The following TMEM68 variants were observed in gnomAD, a reference collection of about 807,000 sequenced individuals.
TMEM68 encodes the protein DGAT1/2-independent enzyme synthesizing storage lipids.
Under a neutral mutation model 36.9 loss-of-function variants are expected in TMEM68, and 25 were observed. The ratio of observed to expected loss-of-function variants is 0.68; its 90% CI spans 0.49 to 0.95. TMEM68 has a LOEUF of 0.95. Among genes scored for constraint, TMEM68 ranks in the 40% least tolerant of loss-of-function variants. The probability of loss-of-function intolerance (pLI) is 0.00; values close to 1 mark genes in which losing one functional copy is unlikely to be tolerated. For missense variants in TMEM68, 333 were observed against 392.0 expected (o/e 0.85, Z 1.27); for synonymous variants, 131 against 124.4 (o/e 1.05, Z -0.35).
intron 5 of TMEM68, among the ~76,000 whole-genome samples, chr8:55,750,539 G>GTCT (rs1810398668): frequency 1.1e-5 from 1 of 93,762 alleles, no homozygotes; most frequent in African/African-American, 3.5e-5. Context: ...AAATTCTCCA[G>GTCT]TCTTTTTTTT....
In TMEM68 at chr8:55,740,100, T is replaced by A; in HGVS notation, c.*32A>T. 1.3e-6 allele frequency: 2 copies of A among 1,549,116 alleles called. No individual in the cohort carries two copies. Among genetic ancestry groups the A allele is most frequent in the Non-Finnish European group, 8.9e-7 (1 of 1,125,072 alleles). On this transcript the variant is annotated 3_prime_UTR_variant, in exon 8 of 8. Coordinates refer to ENST00000434581, the MANE Select transcript of TMEM68 (RefSeq NM_001286657.2). ...TAGATACAAACATTTAATATAAATGTACTAAATCATCTTCTAGTTGACCCT... is the reference window on the plus strand; with the variant it reads ...TAGATACAAACATTTAATATAAATGAACTAAATCATCTTCTAGTTGACCCT...
chr8:55,748,810 C>T (rs577937698), intron 5 of TMEM68, among the ~76,000 whole-genome samples: 22 of 152,112 alleles, frequency 1.4e-4, no homozygotes, highest in African/African-American at 4.8e-4. Flanking sequence ...AGGCTGGTCT[C>T]GAACTCCTGG....
chr8:55,744,768 T>C (rs1435429786), intron 6 of TMEM68, among the ~76,000 whole-genome samples: 1 of 152,224 alleles, frequency 6.6e-6, no homozygotes. Context: ...TTTGTAAATG[T>C]ATTCTAAACC....
At chr8:55,748,459 TGAA>T (rs890610790) in intron 5 of TMEM68, among the ~76,000 whole-genome samples, 4 of 151,120 alleles carry the variant, frequency 2.6e-5, no homozygotes, top group Admixed American at 6.6e-5. Flanking sequence ...ACTTTGTACA[TGAA>T]GGAGTTGCAT....
chr8:55,763,013 G>T lies in TMEM68; in HGVS notation c.-54C>A. On this transcript the variant is annotated 5_prime_UTR_variant, in exon 3 of 8. Transcript: ENST00000434581. ...GTTTCTTTCTTCATTGCCATAGCAG[G>T]TCGCTAATTTTGACACTAGAAGGGA... is the stretch of plus-strand genomic sequence containing the variant. The T allele has an allele frequency of 6.6e-7, 1 of 1,521,838 alleles. No homozygotes were observed. Among genetic ancestry groups the T allele is most frequent in the Non-Finnish European group, 8.8e-7 (1 of 1,139,276 alleles). The allele number at this position is 1,521,838 out of a possible 1,614,324, so 94.3% of individuals were successfully genotyped here. A position where few individuals can be genotyped will look rare whatever the true frequency, so the allele number is the denominator to read the frequency against.
chr8:55,761,382 T>G (rs1320919930), intron 3 of TMEM68: 2 of 152,218 alleles, frequency 1.3e-5, no homozygotes, highest in African/African-American at 4.8e-5. Flanking sequence ...AGTTCATGTT[T>G]CCCTGTCTAG....
At chr8:55,756,882 G>C (rs1810624317) in intron 3 of TMEM68, among the ~76,000 whole-genome samples, 1 of 152,190 alleles carries the variant, frequency 6.6e-6, no homozygotes, top group African/African-American at 2.4e-5. Context: ...GCCCGAGACA[G>C]GTGGCCTGGT....
At chr8:55,748,180 A>C (rs1380541635) in intron 5 of TMEM68, 1 of 152,080 alleles carries the variant, frequency 6.6e-6, no homozygotes, top group Admixed American at 6.6e-5. Flanking sequence ...AATTCCTCTT[A>C]TTTAAGGTGG....
chr8:55,756,480 G>C lies in TMEM68; in HGVS notation c.326-69C>G, dbSNP rs575928623. On this transcript the variant is annotated intron_variant, in intron 3 of 7. Transcript: ENST00000434581. ...ATTCGTTTACAGTAAAGGATGGTTG[G>C]TAGCTCAGTCTTTTCTCACAAAAGT... The C allele has an allele frequency of 2.5e-3, 3,384 of 1,381,098 alleles. 11 individuals carry two copies. The highest frequency in any genetic ancestry group is 4.3e-3 in the Middle Eastern group (16 of 3,746). 85.6% of individuals were successfully genotyped at this position (1,381,098 alleles called of 1,614,324 possible).
rs552191475 is a variant in TMEM68, at chr8:55,739,555, T to C, written c.*577A>G. On this transcript the variant is annotated 3_prime_UTR_variant, in exon 8 of 8. Transcript: ENST00000434581. ...CTAAAGGATTTTGACATTGTTTAAA[T>C]TAATTATTTTATTATTTTGGTTCAA... 6.5e-6 allele frequency: 1 copy of C among 152,754 alleles called. No homozygotes were observed. The highest frequency in any genetic ancestry group is 2.4e-5 in the African/African-American group (1 of 41,552). The allele number at this position is 152,754 out of a possible 1,614,324, so 9.5% of individuals were successfully genotyped here.
rs1429025134 is a variant in TMEM68 at position 55,762,652 on chromosome 8, T to C, written c.308A>G (p.His103Arg). The change falls in exon 3 of 8, where the codon CAT becomes CGT. Residue 103 changes from histidine (H) to arginine (R), a missense_variant. Physicochemically the swap from His to Arg is conservative, Grantham distance 29. Transcript: ENST00000434581. Reference protein sequence around the residue: ...RKTVATLWDGHAAVWHGYEVH... With the variant: ...RKTVATLWDGRAAVWHGYEVH... ...TTGCTTACCATGCCAAACGGCTGCA[T>C]GTCCATCCCACAGAGTTGCCACTGT... 6.2e-7 allele frequency: 1 copy of C among 1,614,232 alleles called. No homozygotes were observed. Among genetic ancestry groups the C allele is most frequent in the Non-Finnish European group, 8.5e-7 (1 of 1,180,040 alleles).
intron 3 of TMEM68, among the ~76,000 whole-genome samples, chr8:55,756,691 G>A (rs72651427): frequency 0.017 from 2,570 of 152,242 alleles, 24 homozygotes; most frequent in Middle Eastern, 0.031. Context: ...CAGGTGGTGC[G>A]GAGTGGGGAG....
intron 1 of TMEM68, among the ~76,000 whole-genome samples, chr8:55,768,558 A>T (rs1043251550): frequency 1.3e-5 from 2 of 151,992 alleles, no homozygotes; most frequent in Non-Finnish European, 2.9e-5. Flanking sequence ...TAAAAAAAAA[A>T]TTTAGGCCAG....
intron 5 of TMEM68, 37 bp downstream of exon 5, chr8:55,750,927 T>C (rs905508356): frequency 1.7e-5 from 26 of 1,574,254 alleles, no homozygotes; most frequent in Non-Finnish European, 1.9e-5. Context: ...TAAATTTGAC[T>C]AAGCTTTACT....
chr8:55,762,101 T>G (rs1810809522), intron 3 of TMEM68: 1 of 152,266 alleles, frequency 6.6e-6, no homozygotes, highest in Non-Finnish European at 1.5e-5. Context: ...ATTTCTCGAG[T>G]AATAAAGAAA....
chr8:55,772,193 T>C (rs1234864764), intron 1 of TMEM68, among the ~76,000 whole-genome samples: 3 of 152,230 alleles, frequency 2.0e-5, no homozygotes, highest in African/African-American at 7.2e-5. Context: ...GAATAAACAT[T>C]TGAAAATGAA....
intron 1 of TMEM68, among the ~76,000 whole-genome samples, chr8:55,768,922 G>A (rs1349885096): frequency 6.6e-6 from 1 of 150,770 alleles, no homozygotes. Context: ...AGGCTGAAGG[G>A]GGAGGATCAC....
chr8:55,757,720 AG>A (rs1424934889), intron 3 of TMEM68, among the ~76,000 whole-genome samples: 6 of 152,108 alleles, frequency 3.9e-5, no homozygotes, highest in African/African-American at 2.4e-5. Flanking sequence ...CCACTATTCT[AG>A]AGAAGGGGAA....
intron 3 of TMEM68, among the ~76,000 whole-genome samples, chr8:55,757,831 G>A (rs1810652999): frequency 6.6e-6 from 1 of 152,086 alleles, no homozygotes; most frequent in African/African-American, 2.4e-5. Flanking sequence ...TACCACGGGG[G>A]CAGTGGCAGC....
Sources: gnomAD v4.1 joint callset for allele counts (sites outside exome capture counted in the v4.1 genomes callset) on GRCh38, gnomAD v4.1.1 for gene constraint, MANE v1.5 for transcripts, NCBI Gene and HGNC (gene_info 2026-07-23, HGNC 2026-07-21) for gene names.